TCERG1L: variants seen among roughly 807,000 people sequenced by gnomAD.
TCERG1L encodes transcription elongation regulator 1-like protein.
TCERG1L carries 37 observed loss-of-function variants against 56.3 expected under a neutral mutation model. That is an observed-to-expected ratio of 0.66 (90% CI 0.51 to 0.87). The LOEUF (loss-of-function observed/expected upper bound fraction) is 0.87, where lower values mean the gene tolerates loss of function less well. TCERG1L is among the 40% of genes least tolerant of loss of function. TCERG1L has a pLI of 0.00. For synonymous variants in TCERG1L, 324 were observed against 326.3 expected (o/e 0.99, Z 0.08); for missense variants, 799 against 774.2 (o/e 1.03, Z -0.38).
chr10:131,201,486 T>G (rs1207840419), intron 4 of TCERG1L, among the ~76,000 whole-genome samples: 1 of 152,218 alleles, frequency 6.6e-6, no homozygotes, highest in Non-Finnish European at 1.5e-5. Flanking sequence ...TCAGTTTCAT[T>G]CATTCATTAT....
intron 4 of TCERG1L, among the ~76,000 whole-genome samples, chr10:131,217,017 G>A (rs11017823): frequency 0.017 from 2,658 of 152,222 alleles, 75 homozygotes; most frequent in African/African-American, 0.06. Flanking sequence ...CACCCACAAT[G>A]CCCACAGTCT....
In TCERG1L at chr10:131,278,092, C is replaced by T. The variant is rs534745574; in HGVS notation, c.671-17648G>A. Among the ~76,000 whole-genome samples, 8 of 151,990 alleles carry T rather than the reference C, an allele frequency of 5.3e-5. No homozygotes were observed. The East Asian group carries it at 1.4e-3, about 26-fold the overall frequency. On this transcript the variant is annotated intron_variant, in intron 3 of 11. Transcript: ENST00000368642. The stretch of plus-strand genomic sequence containing the variant: ...GGGGCTCCCGGCTCCTGCCTCCCCC[C>T]GGGCCCACTGGCCTCAGGAACAGGA...
intron 3 of TCERG1L, among the ~76,000 whole-genome samples, chr10:131,292,540 G>A (rs909416919): frequency 6.6e-6 from 1 of 151,996 alleles, no homozygotes; most frequent in Admixed American, 6.6e-5. Flanking sequence ...AAAAACATTG[G>A]TAATCAACTT....
intron 7 of TCERG1L, among the ~76,000 whole-genome samples, chr10:131,144,748 TA>T (rs1250939173): frequency 6.6e-6 from 1 of 152,250 alleles, no homozygotes; most frequent in Non-Finnish European, 1.5e-5. Flanking sequence ...CATATCATGC[TA>T]AATCTAAACT....
At chr10:131,290,662 TAAAAC>T (rs1846606284) in intron 3 of TCERG1L, among the ~76,000 whole-genome samples, 3 of 150,024 alleles carry the variant, frequency 2.0e-5, no homozygotes, top group South Asian at 2.1e-4. Context: ...ACCTTAACAT[TAAAAC>T]AAAACAACAG....
At chr10:131,183,892 G>A (rs566909074) in intron 4 of TCERG1L, among the ~76,000 whole-genome samples, 4 of 152,350 alleles carry the variant, frequency 2.6e-5, no homozygotes, top group East Asian at 3.9e-4. Flanking sequence ...GCTGAGCATC[G>A]TGTCTGCCAT....
At chr10:131,214,052 A>ACACACACG (rs1162343517) in intron 4 of TCERG1L, among the ~76,000 whole-genome samples, 5 of 15,462 alleles carry the variant, frequency 3.2e-4, no homozygotes, top group Non-Finnish European at 8.4e-4. Flanking sequence ...ACACACACGC[A>ACACACACG]CACACACACG....
chr10:131,240,784 G>A (rs1160184178), intron 4 of TCERG1L, among the ~76,000 whole-genome samples: 2 of 152,212 alleles, frequency 1.3e-5, no homozygotes, highest in East Asian at 1.9e-4. Flanking sequence ...GAGGGGGCGC[G>A]GAGGGACGCC....
chr10:131,193,017 GATAA>G (rs146277373), intron 4 of TCERG1L, among the ~76,000 whole-genome samples: 10 of 151,932 alleles, frequency 6.6e-5, no homozygotes, highest in Admixed American at 1.3e-4. Flanking sequence ...GAAATAAAAT[GATAA>G]ATAAATAAAT....
chr10:131,182,093 A>AGCATGGGTGTGT (rs1589739810), intron 4 of TCERG1L, among the ~76,000 whole-genome samples: 1 of 152,212 alleles, frequency 6.6e-6, no homozygotes, highest in East Asian at 1.9e-4. Flanking sequence ...GTGTGCACAT[A>AGCATGGGTGTGT]GCATGGGTGT....
chr10:131,272,866 C>G (rs1029509027), intron 3 of TCERG1L, among the ~76,000 whole-genome samples: 1 of 152,190 alleles, frequency 6.6e-6, no homozygotes, highest in Non-Finnish European at 1.5e-5. Context: ...GGCTCCTCAC[C>G]CCGGTTTCTG....
chr10:131,290,574 T>TG (rs1406177437), intron 3 of TCERG1L, among the ~76,000 whole-genome samples: 1 of 141,104 alleles, frequency 7.1e-6, no homozygotes, highest in Non-Finnish European at 1.5e-5. Context: ...GAGGTTGCAG[T>TG]GAGCTGAGAT....
rs143350672 is a variant in TCERG1L at position 131,201,890 on chromosome 10, C to T, written c.857-35005G>A. Among the ~76,000 whole-genome samples, 649 of 152,274 alleles carry T rather than the reference C, an allele frequency of 4.3e-3. 6 individuals are homozygous for T. The highest frequency in any genetic ancestry group is 0.014 in the African/African-American group (591 of 41,544). ...CACGCTGTGCTGAAGGCGCATCCATCGACCTTCCTCAGAGACGAGGAAAGA... is the reference window on the plus strand; with the variant it reads ...CACGCTGTGCTGAAGGCGCATCCATTGACCTTCCTCAGAGACGAGGAAAGA... On this transcript the variant is annotated intron_variant, in intron 4 of 11. Transcript: ENST00000368642.
At chr10:131,243,275 G>C (rs1458843935) in intron 4 of TCERG1L, among the ~76,000 whole-genome samples, 2 of 152,028 alleles carry the variant, frequency 1.3e-5, no homozygotes, top group African/African-American at 4.8e-5. Context: ...TGTTACATAA[G>C]CAGAGGCTTA....
In TCERG1L at chr10:131,093,307, T is replaced by G. The variant is rs1400176331; in HGVS notation, c.1616A>C (p.Lys539Thr). Reference protein sequence around the residue: ...ESKVSPRTTFKEFAEKYGRDQ... With the variant: ...ESKVSPRTTFTEFAEKYGRDQ... ...CCGGCCGTATTTCTCTGCAAACTCC[T>G]TAAACGTGGTCCTGAAAAAGAAAGA... The change falls in exon 12 of 12, where the codon AAG (lysine) becomes ACG (threonine). Residue 539 changes from lysine (K) to threonine (T), a missense_variant. Physicochemically the swap from Lys to Thr is moderately conservative, Grantham distance 78 (BLOSUM62 -1). Transcript: ENST00000368642. 1 of 1,612,910 alleles carries G rather than the reference T, an allele frequency of 6.2e-7. No homozygotes were observed. Among genetic ancestry groups the G allele is most frequent in the East Asian group, 2.2e-5 (1 of 44,892 alleles).
At chr10:131,121,145 G>A (rs1845508124) in intron 8 of TCERG1L, among the ~76,000 whole-genome samples, 1 of 152,172 alleles carries the variant, frequency 6.6e-6, no homozygotes, top group Non-Finnish European at 1.5e-5. Context: ...GACAGAACAT[G>A]AGCAGGGAAG....
At chr10:131,115,867 C>G (rs879905526) in intron 9 of TCERG1L, among the ~76,000 whole-genome samples, 3 of 152,190 alleles carry the variant, frequency 2.0e-5, no homozygotes, top group Non-Finnish European at 4.4e-5. Context: ...TCAGACCTCT[C>G]TGTTCTGCAG....
At chr10:131,305,510 G>C (rs981312273) in intron 3 of TCERG1L, among the ~76,000 whole-genome samples, 7 of 152,000 alleles carry the variant, frequency 4.6e-5, no homozygotes, top group Admixed American at 1.3e-4. Context: ...AAACGATCCA[G>C]TTCATTCAAA....
At chr10:131,294,495 G>A (rs1480079571) in intron 3 of TCERG1L, among the ~76,000 whole-genome samples, 1 of 152,212 alleles carries the variant, frequency 6.6e-6, no homozygotes, top group Non-Finnish European at 1.5e-5. Context: ...CCTCAGGGCA[G>A]CTGTCCTCAA....
Sources: allele counts gnomAD v4.1 joint callset (sites outside exome capture counted in the v4.1 genomes callset), GRCh38; gene constraint gnomAD v4.1.1; transcripts MANE v1.5; gene names NCBI Gene and HGNC (gene_info 2026-07-23, HGNC 2026-07-21).